KCNC4: variants seen among roughly 807,000 people sequenced by gnomAD.
The protein encoded by KCNC4 is voltage-gated potassium channel KCNC4.
In KCNC4, 23 loss-of-function variants were observed where a neutral mutation model predicts 42.8. The observed-to-expected ratio is 0.54, with a 90% confidence interval of 0.39 to 0.76. The LOEUF (loss-of-function observed/expected upper bound fraction) is 0.76. Among genes scored for constraint, KCNC4 ranks in the 30% least tolerant of loss-of-function variants. The probability of loss-of-function intolerance (pLI) is 0.00; values close to 1 mark genes in which losing one functional copy is unlikely to be tolerated. For synonymous variants in KCNC4, 422 were observed against 393.5 expected (o/e 1.07, Z -0.86); for missense variants, 751 against 898.2 (o/e 0.84, Z 2.10).
At chr1:110,250,364 G>C (rs1333379916), downstream of KCNC4, among the ~76,000 whole-genome samples, 1 of 152,138 alleles carries the variant, frequency 6.6e-6, no homozygotes, top group Non-Finnish European at 1.5e-5. Flanking sequence ...CTGGCCACAA[G>C]CTCCCTGAGG....
At chr1:110,239,511 A>G (rs1658983305) in exon 4 of KCNC4, 1 of 152,076 alleles carries the variant, frequency 6.6e-6, no homozygotes, top group Non-Finnish European at 1.5e-5. Flanking sequence ...CTTTGTAACT[A>G]TGAATTGTGT....
chr1:110,245,975 T>C (rs1390064896), exon 4 of KCNC4: 1 of 152,226 alleles, frequency 6.6e-6, no homozygotes, highest in Non-Finnish European at 1.5e-5. Flanking sequence ...TCGTAGGGAA[T>C]GCCCATGAAG....
intron 1 of KCNC4, among the ~76,000 whole-genome samples, chr1:110,255,443 G>T (rs906695227): frequency 3.1e-4 from 47 of 152,296 alleles, no homozygotes; most frequent in African/African-American, 1.1e-3. Flanking sequence ...ATATTAGCAG[G>T]TTAGAGTCAG....
intron 1 of KCNC4, among the ~76,000 whole-genome samples, chr1:110,276,536 C>T (rs1455731382): frequency 6.6e-6 from 1 of 152,030 alleles, no homozygotes; most frequent in Non-Finnish European, 1.5e-5. Context: ...GACATAGGTA[C>T]CTAGCTCCCA....
At position 110,223,685 on chromosome 1, in the gene KCNC4, C is replaced by T; in HGVS notation, c.1400C>T (p.Pro467Leu). Residue 467 changes from proline (P) to leucine (L), a missense_variant, in exon 2 of 4, where the codon CCG becomes CTG. Around this residue, in one of 4 missense-constraint regions of KCNC4, gnomAD observed 185 missense variants for 293.7 expected, o/e 0.63. Transcript: ENST00000438661. This position sits in a 1 kb window ranked among gnomAD's most constrained non-coding sequence, Gnocchi z 7.5. Reference sequence around the variant, plus strand: ...GCTGGCGTGCTCACCATCGCCATGCCGGTGCCTGTCATCGTCAACAACTTC... The same window carrying T: ...GCTGGCGTGCTCACCATCGCCATGCTGGTGCCTGTCATCGTCAACAACTTC... ...ALAGVLTIAM[P>L]VPVIVNNFGM... The T allele has an allele frequency of 6.2e-7, 1 of 1,614,030 alleles. No individual in the cohort carries two copies. The highest frequency in any genetic ancestry group is 8.5e-7 in the Non-Finnish European group (1 of 1,180,034).
rs1261661190 is a variant in KCNC4, at chr1:110,210,757, G to T, written c.-743G>T. ...GCGCAGCTCCCAGCCGCGGACGCAG[G>T]ACCCGAGGCTCGCTCCTGCGGGCGC... On this transcript the variant is annotated 5_prime_UTR_variant, in exon 1 of 4. Transcript: ENST00000438661. 3.3e-5 allele frequency among the ~76,000 whole-genome samples: 5 copies of T among 151,610 alleles called. No homozygotes were observed. Among genetic ancestry groups the T allele is most frequent in the Non-Finnish European group, 5.9e-5 (4 of 67,890 alleles).
At chr1:110,231,410 G>GTCTC (rs1658685015) in intron 3 of KCNC4, among the ~76,000 whole-genome samples, 1 of 152,148 alleles carries the variant, frequency 6.6e-6, no homozygotes, top group Non-Finnish European at 1.5e-5. Context: ...CCCTGAGGAT[G>GTCTC]GAGAGTCCAT....
At chr1:110,226,776 T>A (rs1658421147) in intron 3 of KCNC4, among the ~76,000 whole-genome samples, 2 of 152,134 alleles carry the variant, frequency 1.3e-5, no homozygotes, top group Admixed American at 1.3e-4. Context: ...GAAGAGTGGG[T>A]CCCATCTGAG....
chr1:110,223,964 G>C lies in KCNC4; in HGVS notation c.1615+64G>C. The C allele has an allele frequency of 8.0e-7, 1 of 1,257,820 alleles. No homozygotes were observed. The highest frequency in any genetic ancestry group is 1.1e-6 in the Non-Finnish European group (1 of 904,188). 77.9% of individuals were successfully genotyped at this position (1,257,820 alleles called of 1,614,324 possible). A position where few individuals can be genotyped will look rare whatever the true frequency, so the allele number is the denominator to read the frequency against. ...CAGTGGCCTAGGGAGTTTCCAAATG[G>C]ACCTCAGACCTTGGGATTTGGCATG... is the stretch of plus-strand genomic sequence containing the variant. On this transcript the variant is annotated intron_variant, in intron 2 of 3. Coordinates refer to ENST00000438661, the MANE Select transcript of KCNC4 (RefSeq NM_001039574.3). This position sits in a 1 kb window ranked among gnomAD's most constrained non-coding sequence, Gnocchi z 7.5.
At chr1:110,213,152 C>T (rs1034839671) in intron 1 of KCNC4, among the ~76,000 whole-genome samples, 4 of 124,004 alleles carry the variant, frequency 3.2e-5, no homozygotes, top group Non-Finnish European at 4.8e-5. Flanking sequence ...GGTGCTTCCC[C>T]CATTATGCTT....
intron 3 of KCNC4, 85 bp downstream of exon 3, chr1:110,226,263 C>T (rs530300277): frequency 2.5e-6 from 3 of 1,184,448 alleles, no homozygotes; most frequent in Admixed American, 3.6e-5. Flanking sequence ...AGGTCCCCCC[C>T]TCCCCTGAGA....
Position 110,211,259 on chromosome 1 carries a change from C to T in KCNC4, c.-241C>T, listed in dbSNP as rs936669936. On this transcript the variant is annotated 5_prime_UTR_variant, in exon 1 of 4. Coordinates refer to ENST00000438661, the MANE Select transcript of KCNC4 (RefSeq NM_001039574.3). The surrounding 1 kb of genome is among the most constrained non-coding windows in gnomAD (Gnocchi z 6.5). Reference sequence around the variant, plus strand: ...TACTTCCCCGGGTCCTCCCTCTCTGCGCCTCCCTCTCTCCGGAGCTTCCTG... The same window carrying T: ...TACTTCCCCGGGTCCTCCCTCTCTGTGCCTCCCTCTCTCCGGAGCTTCCTG... 3.6e-6 allele frequency: 2 copies of T among 560,964 alleles called. No individual in the cohort carries two copies. Among genetic ancestry groups the T allele is most frequent in the Admixed American group, 3.3e-5 (1 of 30,434 alleles). The allele number at this position is 560,964 out of a possible 1,614,324, so 34.7% of individuals were successfully genotyped here. A position where few individuals can be genotyped will look rare whatever the true frequency, so the allele number is the denominator to read the frequency against.
chr1:110,216,581 A>G (rs1223400716), intron 1 of KCNC4, among the ~76,000 whole-genome samples: 1 of 152,084 alleles, frequency 6.6e-6, no homozygotes, highest in African/African-American at 2.4e-5. Context: ...GGAAGGGGAG[A>G]AAGTAAACGA....
downstream of KCNC4, chr1:110,235,502 G>C (rs1458199511): frequency 1.3e-5 from 2 of 152,232 alleles, no homozygotes; most frequent in Non-Finnish European, 2.9e-5. Context: ...TCATGGTCAG[G>C]GGCTGAGAAC....
At chr1:110,214,893 T>C (rs1295184342) in intron 1 of KCNC4, among the ~76,000 whole-genome samples, 1 of 152,164 alleles carries the variant, frequency 6.6e-6, no homozygotes, top group Admixed American at 6.5e-5. Context: ...TACTATGCCA[T>C]GCGGGGAGTT....
At chr1:110,278,945 G>A (rs542220101) in intron 1 of KCNC4, among the ~76,000 whole-genome samples, 17 of 152,110 alleles carry the variant, frequency 1.1e-4, no homozygotes, top group South Asian at 1.0e-3. Context: ...CCTTTCTTCC[G>A]TCTCATGTCT....
chr1:110,248,430 GTT>G (rs1459980374), exon 4 of KCNC4: 2 of 131,268 alleles, frequency 1.5e-5, no homozygotes, highest in African/African-American at 5.1e-5. Flanking sequence ...ATGTTATAGG[GTT>G]TTGTTTTTGT....
At chr1:110,213,608 A>G (rs1217215820) in intron 1 of KCNC4, among the ~76,000 whole-genome samples, 3 of 152,216 alleles carry the variant, frequency 2.0e-5, no homozygotes, top group Non-Finnish European at 2.9e-5. Flanking sequence ...GGCTGCAGGC[A>G]GCCACGAGAA....
intron 2 of KCNC4, chr1:110,225,755 C>T: frequency 1.8e-6 from 1 of 557,448 alleles, no homozygotes; most frequent in Non-Finnish European, 3.2e-6. Flanking sequence ...AGGAGAGACC[C>T]TAAGCTGAGG....
Sources: gnomAD v4.1 joint callset for allele counts (sites outside exome capture counted in the v4.1 genomes callset) on GRCh38, gnomAD v4.1.1 for gene constraint, gnomAD v4.1.1 regional missense constraint, Gnocchi (gnomAD v3.1) non-coding constraint, MANE v1.5 for transcripts, NCBI Gene and HGNC (gene_info 2026-07-23, HGNC 2026-07-21) for gene names.